Variants in GRAMD4 observed in about 807,000 individuals in gnomAD.
GRAMD4 encodes the protein GRAM domain containing 4, also known as GRAM domain-containing protein 4.
A neutral mutation model predicts 83.9 loss-of-function variants in GRAMD4; 25 were observed. The observed-to-expected ratio is 0.30, with a 90% CI of 0.22 to 0.42. The LOEUF (loss-of-function observed/expected upper bound fraction) is 0.42, where lower values mean the gene tolerates loss of function less well. Among genes scored for constraint, GRAMD4 ranks in the 10% least tolerant of loss-of-function variants. The probability of loss-of-function intolerance (pLI) is 1.00; values close to 1 mark genes in which losing one functional copy is unlikely to be tolerated. For missense variants in GRAMD4, 593 were observed against 788.7 expected (o/e 0.75, Z 2.97); for synonymous variants, 336 against 320.9 (o/e 1.05, Z -0.50).
At chr22:46,605,536 C>T (rs2081356401) in intron 1 of GRAMD4, among the ~76,000 whole-genome samples, 1 of 152,262 alleles carries the variant, frequency 6.6e-6, no homozygotes, top group African/African-American at 2.4e-5. Flanking sequence ...TACTGTGATT[C>T]ACAGCAGCTG....
upstream of GRAMD4, among the ~76,000 whole-genome samples, chr22:46,576,551 C>T (rs903436482): frequency 6.6e-6 from 1 of 152,206 alleles, no homozygotes; most frequent in African/African-American, 2.4e-5. Flanking sequence ...GCACCCCGGG[C>T]ACCTTGGGAT....
chr22:46,665,109 C>G (rs1041227279), intron 8 of GRAMD4, among the ~76,000 whole-genome samples: 1 of 152,230 alleles, frequency 6.6e-6, no homozygotes, highest in Admixed American at 6.5e-5. Flanking sequence ...TCTGTTGTCA[C>G]TAAGAGATGA....
chr22:46,580,399 C>T (rs2081085790), intron 1 of GRAMD4, among the ~76,000 whole-genome samples: 2 of 152,232 alleles, frequency 1.3e-5, no homozygotes, highest in Admixed American at 6.5e-5. Context: ...TTTGGTGGCA[C>T]AGCAATGGTC....
intron 16 of GRAMD4, among the ~76,000 whole-genome samples, chr22:46,675,127 C>G (rs1271123087): frequency 6.6e-6 from 1 of 151,996 alleles, no homozygotes; most frequent in African/African-American, 2.4e-5. Flanking sequence ...GTGTCTCACT[C>G]AGAGCAGTGG....
chr22:46,673,105 C>T, intron 14 of GRAMD4, 108 bp downstream of exon 14: 1 of 922,232 alleles, frequency 1.1e-6, no homozygotes, highest in South Asian at 1.7e-5. Flanking sequence ...GAGGCTGTTT[C>T]TTCAATTTTA....
At chr22:46,651,802 A>G (rs1354790986) in intron 3 of GRAMD4, among the ~76,000 whole-genome samples, 1 of 152,164 alleles carries the variant, frequency 6.6e-6, no homozygotes, top group Non-Finnish European at 1.5e-5. Flanking sequence ...TGGTGGCGGC[A>G]CTGGGGAATC....
downstream of GRAMD4, among the ~76,000 whole-genome samples, chr22:46,681,138 A>G (rs1464137895): frequency 1.3e-5 from 2 of 151,710 alleles, no homozygotes; most frequent in Non-Finnish European, 2.9e-5. Context: ...GCTCAGACCT[A>G]CCTAACCCGT....
chr22:46,617,013 T>A (rs865895861), upstream of GRAMD4, among the ~76,000 whole-genome samples: 4 of 36,992 alleles, frequency 1.1e-4, no homozygotes, highest in African/African-American at 2.7e-4. Flanking sequence ...CCTGTGCGTG[T>A]GGGTTCCCCC....
intron 2 of GRAMD4, among the ~76,000 whole-genome samples, chr22:46,631,214 C>T (rs188358854): frequency 6.3e-4 from 96 of 152,356 alleles, no homozygotes; most frequent in African/African-American, 2.2e-3. Flanking sequence ...TTCAGGGGCA[C>T]GGAGCACATG....
At position 46,663,057 on chromosome 22, in the gene GRAMD4, C is replaced by T. The variant is rs146061140; in HGVS notation, c.484C>T (p.Leu162=). ...CCCTGCAGAGCGCCGGAGCCAGGGGCTGTCCTCGCGCCTGCAGAAGTGGTT... is the reference window on the plus strand; with the variant it reads ...CCCTGCAGAGCGCCGGAGCCAGGGGTTGTCCTCGCGCCTGCAGAAGTGGTT... ...SNGAERRSQG[L]SSRLQKWFYE... The change falls in exon 6 of 19, where the codon CTG becomes TTG. Residue 162 remains leucine, a synonymous_variant. Transcript: ENST00000406902. The T allele has an allele frequency of 1.1e-4, 176 of 1,610,780 alleles. No individual in the cohort carries two copies. The African/African-American group carries it at 1.9e-3, about 18-fold the overall frequency.
chr22:46,637,455 G>A (rs529899305), intron 2 of GRAMD4, among the ~76,000 whole-genome samples: 4 of 152,126 alleles, frequency 2.6e-5, no homozygotes, highest in East Asian at 3.9e-4. Flanking sequence ...GGGTTTCACC[G>A]TGGTCTCGAT....
intron 1 of GRAMD4, among the ~76,000 whole-genome samples, chr22:46,613,456 C>G (rs530547629): frequency 6.6e-6 from 1 of 152,394 alleles, no homozygotes; most frequent in East Asian, 1.9e-4. Flanking sequence ...CAGGATGCAA[C>G]CCCTAGCCCC....
intron 1 of GRAMD4, among the ~76,000 whole-genome samples, chr22:46,624,051 G>A (rs745894101): frequency 1.4e-4 from 21 of 152,018 alleles, no homozygotes; most frequent in Non-Finnish European, 2.2e-4. Context: ...CAAAATGCTG[G>A]GATTACAGGT....
At chr22:46,643,035 GGA>G in intron 3 of GRAMD4, among the ~76,000 whole-genome samples, 1 of 20,266 alleles carries the variant, frequency 4.9e-5, no homozygotes, top group East Asian at 8.8e-4. Context: ...ATCCATCCCT[GGA>G]TCCATCCGTC....
Position 46,646,799 on chromosome 22 carries a change from G to A in GRAMD4, c.283+8839G>A, listed in dbSNP as rs187353211. On this transcript the variant is annotated intron_variant, in intron 3 of 18. Coordinates refer to ENST00000406902, the MANE Select transcript of GRAMD4 (RefSeq NM_015124.5). ...TGATAAAGACATACCTGAGACTGGC[G>A]CTTTACAAACAAAAGCGGTTTAATG... 9.6e-4 allele frequency among the ~76,000 whole-genome samples: 146 copies of A among 152,330 alleles called. 1 individual carries two copies. Among genetic ancestry groups the A allele is most frequent in the South Asian group, 2.1e-3 (10 of 4,832 alleles).
At chr22:46,624,980 C>T (rs993379868) in intron 1 of GRAMD4, among the ~76,000 whole-genome samples, 1 of 151,800 alleles carries the variant, frequency 6.6e-6, no homozygotes, top group Non-Finnish European at 1.5e-5. Flanking sequence ...CCTGCCTCAG[C>T]CTCCTGAGTA....
chr22:46,618,932 T>C (rs1332105407), upstream of GRAMD4, among the ~76,000 whole-genome samples: 1 of 152,128 alleles, frequency 6.6e-6, no homozygotes, highest in East Asian at 1.9e-4. The surrounding 1 kb of genome is among the most constrained non-coding windows in gnomAD (Gnocchi z 5.8). Flanking sequence ...AGGCGTGGCA[T>C]AGTTGAGATA....
intron 3 of GRAMD4, among the ~76,000 whole-genome samples, chr22:46,643,192 C>CCTGG (rs2082012258): frequency 9.6e-6 from 1 of 103,774 alleles, no homozygotes; most frequent in African/African-American, 3.3e-5. Context: ...TCCATCCATC[C>CCTGG]ATCCATCCAT....
At chr22:46,623,195 G>A (rs1184769981) in intron 1 of GRAMD4, among the ~76,000 whole-genome samples, 1 of 152,022 alleles carries the variant, frequency 6.6e-6, no homozygotes, top group Non-Finnish European at 1.5e-5. Flanking sequence ...GGTCCACCAG[G>A]GTGCTCCAGG....
Sources: gnomAD v4.1 joint callset for allele counts (sites outside exome capture counted in the v4.1 genomes callset) on GRCh38, gnomAD v4.1.1 for gene constraint, Gnocchi (gnomAD v3.1) non-coding constraint, MANE v1.5 for transcripts, NCBI Gene and HGNC (gene_info 2026-07-23, HGNC 2026-07-21) for gene names.